The following GMDS variants were observed in gnomAD, a reference collection of about 807,000 sequenced individuals.
GMDS encodes GDP-mannose 4,6 dehydratase.
A neutral mutation model predicts 49.9 loss-of-function variants in GMDS; 20 were observed. The ratio of observed to expected loss-of-function variants is 0.40; its 90% CI spans 0.28 to 0.58. The LOEUF (loss-of-function observed/expected upper bound fraction) is 0.58. Among genes scored for constraint, GMDS ranks in the 20% least tolerant of loss-of-function variants. The probability of loss-of-function intolerance (pLI) is 0.42; values close to 1 mark genes in which losing one functional copy is unlikely to be tolerated. For synonymous variants in GMDS, 177 were observed against 178.6 expected, an observed-to-expected ratio of 0.99 and a Z score of 0.07; for missense variants, 362 against 481.4, an observed-to-expected ratio of 0.75 and a Z score of 2.32.
intron 7 of GMDS, among the ~76,000 whole-genome samples, chr6:1,760,248 C>T (rs1768107234): frequency 6.6e-6 from 1 of 152,340 alleles, no homozygotes; most frequent in African/African-American, 2.4e-5. Flanking sequence ...GAGTTGGTTT[C>T]TGCTCCTTTA....
intron 4 of GMDS, among the ~76,000 whole-genome samples, chr6:2,017,081 C>T (rs1209338101): frequency 6.6e-6 from 1 of 151,550 alleles, no homozygotes; most frequent in Admixed American, 6.6e-5. Flanking sequence ...AAGGAAAAAA[C>T]AACAGAGAAA....
intron 4 of GMDS, among the ~76,000 whole-genome samples, chr6:2,002,778 T>C (rs1216403870): frequency 6.6e-6 from 1 of 152,170 alleles, no homozygotes; most frequent in African/African-American, 2.4e-5. Context: ...ATTCAACATC[T>C]ACTGTTAAAT....
chr6:1,955,451 A>G (rs1437888055), intron 6 of GMDS, among the ~76,000 whole-genome samples: 1 of 152,228 alleles, frequency 6.6e-6, no homozygotes, highest in Admixed American at 6.5e-5. Flanking sequence ...ATACATTTTC[A>G]TGACTTATAG....
intron 8 of GMDS, among the ~76,000 whole-genome samples, chr6:1,736,293 T>C (rs184020638): frequency 5.1e-4 from 77 of 152,192 alleles, no homozygotes; most frequent in African/African-American, 1.7e-3. Flanking sequence ...GAAACATAAA[T>C]GATAGTAGGA....
In GMDS at chr6:1,893,679, T is replaced by A. The variant is rs200698711; in HGVS notation, c.771+36424A>T. ...GGCAGCCAGGCCACCTCCAGCTGGC[T>A]GGAATGCAGCTGCAATAAAAGGCAG... On this transcript the variant is annotated intron_variant, in intron 7 of 10. Transcript: ENST00000380815. Among the ~76,000 whole-genome samples the A allele has an allele frequency of 7.2e-5, 11 of 152,278 alleles. No individual in the cohort carries two copies. The East Asian group carries it at 9.6e-4, about 13-fold the overall frequency.
intron 4 of GMDS, among the ~76,000 whole-genome samples, chr6:2,034,832 A>G (rs1423734163): frequency 6.6e-6 from 1 of 152,228 alleles, no homozygotes; most frequent in Non-Finnish European, 1.5e-5. Flanking sequence ...AAAACACACC[A>G]AATGCAGAAG....
intron 9 of GMDS, among the ~76,000 whole-genome samples, chr6:1,626,508 C>T (rs932276427): frequency 8.5e-5 from 13 of 152,218 alleles, no homozygotes; most frequent in African/African-American, 2.7e-4. Context: ...TTCTATTTTG[C>T]TATAAGCGTC....
chr6:2,106,755 C>T (rs1177214029), intron 4 of GMDS, among the ~76,000 whole-genome samples: 4 of 151,654 alleles, frequency 2.6e-5, no homozygotes, highest in East Asian at 3.9e-4. Context: ...CACAGCTACT[C>T]GGGAGGCTGA....
intron 4 of GMDS, among the ~76,000 whole-genome samples, chr6:2,066,481 TAA>T (rs1203033513): frequency 2.0e-5 from 3 of 151,270 alleles, no homozygotes; most frequent in African/African-American, 7.3e-5. Context: ...GCAAATTGGA[TAA>T]AGAGTCAAGA....
intron 4 of GMDS, among the ~76,000 whole-genome samples, chr6:2,076,218 T>C (rs1258008098): frequency 6.6e-6 from 1 of 152,220 alleles, no homozygotes; most frequent in East Asian, 1.9e-4. Context: ...TTCACTCTGA[T>C]GGTAGTTTCT....
At chr6:1,710,994 T>C (rs1210349823) in intron 9 of GMDS, among the ~76,000 whole-genome samples, 1 of 152,176 alleles carries the variant, frequency 6.6e-6, no homozygotes, top group African/African-American at 2.4e-5. Context: ...AAGCAAAAAC[T>C]TGGGGCTGGA....
intron 9 of GMDS, among the ~76,000 whole-genome samples, chr6:1,723,485 C>G (rs1766463874): frequency 6.6e-6 from 1 of 151,948 alleles, no homozygotes; most frequent in Admixed American, 6.6e-5. Context: ...TGCCACCATA[C>G]CCGGCTAATT....
Position 1,635,370 on chromosome 6 carries a change from C to T in GMDS, c.988-10830G>A, listed in dbSNP as rs1426763510. Among the ~76,000 whole-genome samples the T allele has an allele frequency of 6.6e-6, 1 of 152,180 alleles. No individual in the cohort carries two copies. The highest frequency in any genetic ancestry group is 6.5e-5 in the Admixed American group (1 of 15,272). On this transcript the variant is annotated intron_variant, in intron 9 of 10. Coordinates refer to ENST00000380815, the MANE Select transcript of GMDS (RefSeq NM_001500.4). The surrounding 1 kb of genome is among the most constrained non-coding windows in gnomAD (Gnocchi z 4.7). ...AGGAAAGGGTTAAGGCAAGCTGTGT[C>T]CACTGCGCAACCAACATGGCCCACT...
At chr6:1,807,230 C>A (rs1004447193) in intron 7 of GMDS, among the ~76,000 whole-genome samples, 1 of 152,078 alleles carries the variant, frequency 6.6e-6, no homozygotes, top group Non-Finnish European at 1.5e-5. Flanking sequence ...TTTGTAAAGA[C>A]GAGGTCTTGC....
rs932136860 is a variant in GMDS at position 1,814,601 on chromosome 6, G to A, written c.772-72015C>T. On this transcript the variant is annotated intron_variant, in intron 7 of 10. Coordinates refer to ENST00000380815, the MANE Select transcript of GMDS (RefSeq NM_001500.4). ...AGTTTTAAGGAACTCTAAAGTAAAAGATACAGATTTAATCTGAAGGTATTT... is the reference window on the plus strand; with the variant it reads ...AGTTTTAAGGAACTCTAAAGTAAAAAATACAGATTTAATCTGAAGGTATTT... Among the ~76,000 whole-genome samples, 15 of 152,240 alleles carry A rather than the reference G, an allele frequency of 9.9e-5. No individual in the cohort carries two copies. The South Asian group carries it at 1.5e-3, about 15-fold the overall frequency.
At chr6:2,210,750 C>T (rs1780027724) in intron 1 of GMDS, among the ~76,000 whole-genome samples, 1 of 152,190 alleles carries the variant, frequency 6.6e-6, no homozygotes, top group Admixed American at 6.5e-5. Flanking sequence ...CACCCTCTGC[C>T]CTATCACACC....
At chr6:2,020,365 TGA>T (rs1328743378) in intron 4 of GMDS, among the ~76,000 whole-genome samples, 1 of 151,964 alleles carries the variant, frequency 6.6e-6, no homozygotes, top group African/African-American at 2.4e-5. Flanking sequence ...ATATCAGTTA[TGA>T]GAGATCACAT....
At chr6:1,661,763 C>T (rs1201677677) in intron 9 of GMDS, among the ~76,000 whole-genome samples, 2 of 152,270 alleles carry the variant, frequency 1.3e-5, no homozygotes, top group Non-Finnish European at 2.9e-5. Context: ...AGCAAATCCA[C>T]TGCTGGGTCC....
At chr6:1,839,298 C>T (rs1002645241) in intron 7 of GMDS, among the ~76,000 whole-genome samples, 1 of 152,156 alleles carries the variant, frequency 6.6e-6, no homozygotes, top group African/African-American at 2.4e-5. Flanking sequence ...TAAGACTTAA[C>T]TTTCTTTAGT....
Sources: gnomAD v4.1 joint callset for allele counts (sites outside exome capture counted in the v4.1 genomes callset) on GRCh38, gnomAD v4.1.1 for gene constraint, Gnocchi (gnomAD v3.1) non-coding constraint, MANE v1.5 for transcripts, NCBI Gene and HGNC (gene_info 2026-07-23, HGNC 2026-07-21) for gene names.